CFHR3: variants seen among roughly 807,000 people sequenced by gnomAD.
CFHR3 encodes complement factor H related 3.
A neutral mutation model predicts 36.0 loss-of-function variants in CFHR3; 22 were observed. The observed-to-expected ratio is 0.61, with a 90% CI of 0.44 to 0.87. The LOEUF (loss-of-function observed/expected upper bound fraction) is 0.87, where lower values mean the gene tolerates loss of function less well. Among genes scored for constraint, CFHR3 ranks in the 40% least tolerant of loss-of-function variants. The pLI is 0.00. For synonymous variants in CFHR3, 97 were observed against 137.4 expected (o/e 0.71, Z 2.06); for missense variants, 276 against 401.3 (o/e 0.69, Z 2.67).
rs557836790 is a variant in CFHR3, at chr1:196,781,386, C to T, written c.430+1413C>T. Among the ~76,000 whole-genome samples the T allele has an allele frequency of 1.4e-4, 19 of 135,488 alleles. 3 individuals carry two copies. In the South Asian group the frequency reaches 4.2e-3, roughly 30 times the overall value. 88.9% of individuals were successfully genotyped at this position (135,488 alleles called of 152,430 possible). On this transcript the variant is annotated intron_variant, in intron 3 of 5. Transcript: ENST00000367425. Reference sequence around the variant, plus strand: ...CCTGAGGAATCACCACACTGTCTTCCACAATGGTTGAACTAGTTTACAGTC... The same window carrying T: ...CCTGAGGAATCACCACACTGTCTTCTACAATGGTTGAACTAGTTTACAGTC...
chr1:196,785,374 T>G (rs1324312251), intron 3 of CFHR3, among the ~76,000 whole-genome samples: 8 of 134,870 alleles, frequency 5.9e-5, no homozygotes, highest in Admixed American at 5.7e-4. Context: ...GGGGAAGTTC[T>G]CCTGGATAAT....
chr1:196,788,417 C>A lies in CFHR3; in HGVS notation c.613+19C>A. ...TGCATTAGTAAGTGATTTACATATT[C>A]CCATTCAGTTTCTGTCAACTTCGTT... On this transcript the variant is annotated intron_variant, in intron 4 of 5. Coordinates refer to ENST00000367425, the MANE Select transcript of CFHR3 (RefSeq NM_021023.6). The A allele has an allele frequency of 6.6e-7, 1 of 1,522,956 alleles. No homozygotes were observed. The highest frequency in any genetic ancestry group is 1.3e-5 in the South Asian group (1 of 78,328). 94.3% of individuals were successfully genotyped at this position (1,522,956 alleles called of 1,614,324 possible).
intron 3 of CFHR3, among the ~76,000 whole-genome samples, chr1:196,785,405 A>G (rs1212397915): frequency 2.2e-5 from 3 of 134,130 alleles, no homozygotes; most frequent in Non-Finnish European, 4.7e-5. Flanking sequence ...GTGTTTTCCA[A>G]CTTGGTTCCA....
chr1:196,779,720 C>G, intron 2 of CFHR3, 77 bp from the exon 3 acceptor site: 7 of 1,405,580 alleles, frequency 5.0e-6, no homozygotes, highest in Non-Finnish European at 6.6e-6. Flanking sequence ...AATATGGTAA[C>G]AATAATTTTA....
At position 196,774,913 on chromosome 1, in the gene CFHR3, G is replaced by T. The variant is rs1359238447; in HGVS notation, c.27G>T (p.Leu9=). 8 of 1,529,238 alleles carry T rather than the reference G, an allele frequency of 5.2e-6. 2 individuals are homozygous for T. The African/African-American group carries it at 1.3e-4, about 25-fold the overall frequency. 94.7% of individuals were successfully genotyped at this position (1,529,238 alleles called of 1,614,324 possible). The change falls in exon 1 of 6, where the codon CTG becomes CTT. Residue 9 remains leucine (L), a synonymous_variant. Transcript: ENST00000367425. MLLLINVI[L]TLWVSCANGQ... The stretch of plus-strand genomic sequence containing the variant: ...TGTTGTTACTAATCAATGTCATTCT[G>T]ACCTTGTGGGTTTCCTGTGCTAATG...
Position 196,780,088 on chromosome 1 carries a change from C to T in CFHR3, c.430+115C>T, listed in dbSNP as rs1653885883. 6.1e-6 allele frequency: 8 copies of T among 1,319,762 alleles called. 1 individual carries two copies. The South Asian group carries it at 1.1e-4, about 19-fold the overall frequency. The allele number at this position is 1,319,762 out of a possible 1,614,324, so 81.8% of individuals were successfully genotyped here. A position where few individuals can be genotyped will look rare whatever the true frequency, so the allele number is the denominator to read the frequency against. On this transcript the variant is annotated intron_variant, in intron 3 of 5. Transcript: ENST00000367425. Reference sequence around the variant, plus strand: ...AAAATGTTTTTGTCAACTTGTTTTGCCAACGGACCTATTTAGTTTTACTTT... The same window carrying T: ...AAAATGTTTTTGTCAACTTGTTTTGTCAACGGACCTATTTAGTTTTACTTT...
intron 4 of CFHR3, chr1:196,789,135 A>G: frequency 1.0e-6 from 1 of 998,200 alleles, no homozygotes; most frequent in South Asian, 3.6e-5. Flanking sequence ...AGTTTTAAAG[A>G]TAAATTGCTG....
rs1364779357 is a variant in CFHR3 at position 196,781,643 on chromosome 1, G to T, written c.430+1670G>T. ...TCATGTCCTTTGCCCACTTTTTGAT[G>T]GGGTTGTTTGTTTTTTTCTTGTAAA... On this transcript the variant is annotated intron_variant, in intron 3 of 5. Transcript: ENST00000367425. 2.2e-5 allele frequency among the ~76,000 whole-genome samples: 3 copies of T among 135,846 alleles called. 1 individual carries two copies. The highest frequency in any genetic ancestry group is 9.3e-5 in the African/African-American group (3 of 32,236). 89.1% of individuals were successfully genotyped at this position (135,846 alleles called of 152,430 possible).
chr1:196,779,668 T>G, intron 2 of CFHR3, 129 bp from the exon 3 acceptor site: 2 of 1,230,028 alleles, frequency 1.6e-6, no homozygotes, highest in Non-Finnish European at 2.2e-6. Flanking sequence ...TGGTTCATAC[T>G]AAGTTGTACA....
At position 196,794,962 on chromosome 1, in the gene CFHR3, T is replaced by A. The variant is rs1654537521; in HGVS notation, c.*1449T>A. 1.7e-5 allele frequency: 2 copies of A among 118,102 alleles called. 1 individual carries two copies. The highest frequency in any genetic ancestry group is 3.3e-5 in the Non-Finnish European group (2 of 59,818). The allele number at this position is 118,102 out of a possible 1,614,324, so 7.3% of individuals were successfully genotyped here. On this transcript the variant is annotated 3_prime_UTR_variant, in exon 6 of 6. Coordinates refer to ENST00000367425, the MANE Select transcript of CFHR3 (RefSeq NM_021023.6). ...AACTTTTTAAGACTGAAGAATGATA[T>A]AAGCTATCAAATCTAACTCAGTTTT... is the stretch of plus-strand genomic sequence containing the variant.
At position 196,776,834 on chromosome 1, in the gene CFHR3, G is replaced by GATATATATAT. The variant is rs35001925; in HGVS notation, c.58+1898_58+1907dup. 9.4e-5 allele frequency among the ~76,000 whole-genome samples: 12 copies of GATATATATAT among 128,218 alleles called. 3 individuals carry two copies. In the South Asian group the frequency reaches 2.2e-3, roughly 23 times the overall value. The allele number at this position is 128,218 out of a possible 152,430, so 84.1% of individuals were successfully genotyped here. On this transcript the variant is annotated intron_variant, in intron 1 of 5. Transcript: ENST00000367425. The stretch of plus-strand genomic sequence containing the variant: ...AATAACTTTTTACTTTTTACTCAAG[G>GATATATATAT]ATATATATATATATATACCCACCAA...
At chr1:196,781,558 G>A (rs1350070068) in intron 3 of CFHR3, among the ~76,000 whole-genome samples, 2 of 136,192 alleles carry the variant, frequency 1.5e-5, no homozygotes, top group Admixed American at 7.1e-5. Flanking sequence ...GCCAGTGATG[G>A]TGAGCATTTT....
At position 196,785,633 on chromosome 1, in the gene CFHR3, G is replaced by A. The variant is rs1311749132; in HGVS notation, c.431-2583G>A. Among the ~76,000 whole-genome samples the A allele has an allele frequency of 5.9e-5, 8 of 136,652 alleles. 2 individuals carry two copies. Among genetic ancestry groups the A allele is most frequent in the African/African-American group, 1.8e-4 (6 of 32,572 alleles). 89.6% of individuals were successfully genotyped at this position (136,652 alleles called of 152,430 possible). A position where few individuals can be genotyped will look rare whatever the true frequency, so the allele number is the denominator to read the frequency against. On this transcript the variant is annotated intron_variant, in intron 3 of 5. Coordinates refer to ENST00000367425, the MANE Select transcript of CFHR3 (RefSeq NM_021023.6). ...CTTCTGTATTCTTCACGTAGTTCTC[G>A]AGCCTTGGCTTTCAGCTCCACCAGC...
rs1165737803 is a variant in CFHR3, at chr1:196,794,720, C to A, written c.*1207C>A. 6 of 279,200 alleles carry A rather than the reference C, an allele frequency of 2.1e-5. 1 individual carries two copies. The Admixed American group carries it at 2.5e-4, about 12-fold the overall frequency. The allele number at this position is 279,200 out of a possible 1,614,324, so 17.3% of individuals were successfully genotyped here. A position where few individuals can be genotyped will look rare whatever the true frequency, so the allele number is the denominator to read the frequency against. On this transcript the variant is annotated 3_prime_UTR_variant, in exon 6 of 6. Coordinates refer to ENST00000367425, the MANE Select transcript of CFHR3 (RefSeq NM_021023.6). Reference sequence around the variant, plus strand: ...TGAAAAGATTGTATATCCCTGTTAACAAATTGAAATCTCTATTCACTTTAA... The same window carrying A: ...TGAAAAGATTGTATATCCCTGTTAAAAAATTGAAATCTCTATTCACTTTAA...
chr1:196,775,021 T>A, intron 1 of CFHR3, 77 bp downstream of exon 1: 1 of 1,197,942 alleles, frequency 8.3e-7, no homozygotes, highest in Non-Finnish European at 1.2e-6. Flanking sequence ...TGTATGTCTA[T>A]AATTATTTTA....
chr1:196,783,645 T>C (rs1246356416), intron 3 of CFHR3, among the ~76,000 whole-genome samples: 1 of 135,160 alleles, frequency 7.4e-6, no homozygotes, highest in African/African-American at 3.2e-5. Flanking sequence ...GGATTGGTGG[T>C]GATATCCCCT....
rs761246915 is a variant in CFHR3 at position 196,779,940 on chromosome 1, G to A, written c.397G>A (p.Gly133Ser). 6.5e-7 allele frequency: 1 copy of A among 1,532,984 alleles called. No homozygotes were observed. The highest frequency in any genetic ancestry group is 8.8e-7 in the Non-Finnish European group (1 of 1,133,310). The allele number at this position is 1,532,984 out of a possible 1,614,324, so 95.0% of individuals were successfully genotyped here. Reference protein sequence around the residue: ...AQTTVTCTEKGWSPTPRCIRV... With the variant: ...AQTTVTCTEKSWSPTPRCIRV... The stretch of plus-strand genomic sequence containing the variant: ...GACCACAGTTACATGTACGGAGAAA[G>A]GCTGGTCTCCTACTCCCAGATGCAT... Residue 133 changes from glycine (G) to serine (S), a missense_variant, in exon 3 of 6, where the codon GGC (glycine) becomes AGC (serine). Transcript: ENST00000367425.
At chr1:196,786,575 A>G (rs1278750676) in intron 3 of CFHR3, among the ~76,000 whole-genome samples, 1 of 135,912 alleles carries the variant, frequency 7.4e-6, no homozygotes, top group African/African-American at 3.1e-5. Flanking sequence ...GCTAGCAATC[A>G]GAGAGACTCC....
chr1:196,776,653 C>A lies in CFHR3; in HGVS notation c.58+1709C>A, dbSNP rs374718468. ...AAGGCAAAGGAGGAGGTCTCAGAAG[C>A]ATCCAATCCTGTTGACAGCTATATC... On this transcript the variant is annotated intron_variant, in intron 1 of 5. Transcript: ENST00000367425. 1.2e-4 allele frequency among the ~76,000 whole-genome samples: 16 copies of A among 136,604 alleles called. 2 individuals are homozygous for A. Among genetic ancestry groups the A allele is most frequent in the Non-Finnish European group, 2.2e-4 (14 of 64,460 alleles). The allele number at this position is 136,604 out of a possible 152,430, so 89.6% of individuals were successfully genotyped here. A position where few individuals can be genotyped will look rare whatever the true frequency, so the allele number is the denominator to read the frequency against.
Sources: allele counts gnomAD v4.1 joint callset (sites outside exome capture counted in the v4.1 genomes callset), GRCh38; gene constraint gnomAD v4.1.1; transcripts MANE v1.5; gene names NCBI Gene and HGNC (gene_info 2026-07-23, HGNC 2026-07-21).